The following CRIM1 variants were observed in gnomAD, a reference collection of about 807,000 sequenced individuals.
CRIM1 encodes the protein cysteine-rich motor neuron 1 protein.
Under a neutral mutation model 116.4 loss-of-function variants are expected in CRIM1, and 32 were observed. That is an observed-to-expected ratio of 0.27 (90% CI 0.21 to 0.37). CRIM1 has a LOEUF of 0.37. Among genes scored for constraint, CRIM1 ranks in the 10% least tolerant of loss-of-function variants. The pLI, the probability that CRIM1 is intolerant of heterozygous loss-of-function variation, is 1.00. For synonymous variants in CRIM1, 590 were observed against 509.2 expected (o/e 1.16, Z -2.13); for missense variants, 1,331 against 1,354.8 (o/e 0.98, Z 0.28).
chr2:36,361,419 G>A (rs1024987153), intron 1 of CRIM1, among the ~76,000 whole-genome samples: 3 of 152,110 alleles, frequency 2.0e-5, no homozygotes, highest in Admixed American at 6.5e-5. Flanking sequence ...TGTTTTGTGT[G>A]GTTTGTTGAA....
chr2:36,483,369 AATG>A (rs1398385148), intron 7 of CRIM1, among the ~76,000 whole-genome samples: 1 of 152,210 alleles, frequency 6.6e-6, no homozygotes, highest in Non-Finnish European at 1.5e-5. Context: ...TGTAACCCTT[AATG>A]ACAGTGGCTA....
chr2:36,490,423 C>T (rs1334953424), intron 7 of CRIM1, among the ~76,000 whole-genome samples: 1 of 152,112 alleles, frequency 6.6e-6, no homozygotes, highest in Non-Finnish European at 1.5e-5. Context: ...TTTTCTGACT[C>T]CAAATCCATG....
Position 36,548,734 on chromosome 2 carries a change from G to A in CRIM1, c.*33G>A, listed in dbSNP as rs768437467. The A allele has an allele frequency of 2.5e-5, 38 of 1,526,498 alleles. No homozygotes were observed. In the Admixed American group the frequency reaches 2.6e-4, roughly 11 times the overall value. 94.6% of individuals were successfully genotyped at this position (1,526,498 alleles called of 1,614,324 possible). A position where few individuals can be genotyped will look rare whatever the true frequency, so the allele number is the denominator to read the frequency against. ...CAACTAGGATGAGGTTTCAAAAGAC[G>A]GAAGACGACTAAATCTGCTCTAAAA... On this transcript the variant is annotated 3_prime_UTR_variant, in exon 17 of 17. Transcript: ENST00000280527.
intron 1 of CRIM1, among the ~76,000 whole-genome samples, chr2:36,386,126 T>G (rs1671146468): frequency 6.6e-6 from 1 of 152,214 alleles, no homozygotes; most frequent in Non-Finnish European, 1.5e-5. Flanking sequence ...TCTTGGTGAT[T>G]TGACTAACAG....
chr2:36,458,278 G>A (rs970254505), intron 4 of CRIM1, among the ~76,000 whole-genome samples: 2 of 152,152 alleles, frequency 1.3e-5, no homozygotes, highest in Non-Finnish European at 2.9e-5. Context: ...CACACCAGGA[G>A]GATACCTCTG....
chr2:36,366,887 A>G (rs563460991), intron 1 of CRIM1, among the ~76,000 whole-genome samples: 48 of 152,332 alleles, frequency 3.2e-4, no homozygotes, highest in Middle Eastern at 6.8e-3. Context: ...AGACTTTATG[A>G]AGTAGTTGGA....
chr2:36,370,298 A>G (rs1468753511), intron 1 of CRIM1, among the ~76,000 whole-genome samples: 1 of 151,986 alleles, frequency 6.6e-6, no homozygotes, highest in Admixed American at 6.6e-5. Context: ...GCAGAAATTT[A>G]CAGTGAGAAA....
At chr2:36,538,767 C>T (rs534973513) in intron 14 of CRIM1, among the ~76,000 whole-genome samples, 193 of 152,032 alleles carry the variant, frequency 1.3e-3, no homozygotes, top group Non-Finnish European at 2.1e-3. Context: ...TACACACTTG[C>T]TGTGTATATG....
At chr2:36,470,707 T>G (rs527277565) in intron 5 of CRIM1, among the ~76,000 whole-genome samples, 1 of 152,230 alleles carries the variant, frequency 6.6e-6, no homozygotes, top group Admixed American at 6.5e-5. Context: ...ACAAGATTAG[T>G]GTTGTTTTCG....
At chr2:36,367,976 G>A (rs372867600) in intron 1 of CRIM1, among the ~76,000 whole-genome samples, 5 of 152,160 alleles carry the variant, frequency 3.3e-5, no homozygotes, top group Non-Finnish European at 2.9e-5. Flanking sequence ...AAGCTAGAGC[G>A]AAGACAGGCC....
At chr2:36,440,962 G>A (rs1367341475) in intron 2 of CRIM1, among the ~76,000 whole-genome samples, 2 of 152,178 alleles carry the variant, frequency 1.3e-5, no homozygotes, top group African/African-American at 2.4e-5. Flanking sequence ...CACGCCATGG[G>A]TGCATCTTCC....
intron 5 of CRIM1, among the ~76,000 whole-genome samples, chr2:36,473,774 A>G (rs1000917384): frequency 1.3e-5 from 2 of 152,150 alleles, no homozygotes; most frequent in Non-Finnish European, 2.9e-5. Context: ...ATATCAGTTA[A>G]TGGATATTTA....
At chr2:36,461,830 A>T (rs948301716) in intron 4 of CRIM1, among the ~76,000 whole-genome samples, 1 of 152,210 alleles carries the variant, frequency 6.6e-6, no homozygotes, top group Non-Finnish European at 1.5e-5. Flanking sequence ...ACCATTTCGA[A>T]CTGCAAAACT....
chr2:36,545,119 C>G (rs1266790774), intron 15 of CRIM1, among the ~76,000 whole-genome samples: 2 of 152,190 alleles, frequency 1.3e-5, no homozygotes, highest in African/African-American at 4.8e-5. Flanking sequence ...TAAACTTGCT[C>G]TTAGCCGTGA....
intron 13 of CRIM1, among the ~76,000 whole-genome samples, chr2:36,533,171 G>A (rs543513282): frequency 3.3e-5 from 5 of 152,130 alleles, no homozygotes; most frequent in South Asian, 4.2e-4. Flanking sequence ...ATAGAACCTC[G>A]AATTGCATGG....
In CRIM1 at chr2:36,356,658, G is replaced by A; in HGVS notation, c.331+35G>A. ...CCCGCTGCGGGCCCCCTCCCACCTG[G>A]CCTGCGCCGCCCCCTCGGCGCTGGT... On this transcript the variant is annotated intron_variant, in intron 1 of 16. Coordinates refer to ENST00000280527, the MANE Select transcript of CRIM1 (RefSeq NM_016441.3). The surrounding 1 kb of genome is among the most constrained non-coding windows in gnomAD (Gnocchi z 4.3). 6.4e-7 allele frequency: 1 copy of A among 1,569,228 alleles called. No individual in the cohort carries two copies.
chr2:36,533,543 A>G (rs907110229), intron 13 of CRIM1, among the ~76,000 whole-genome samples: 9 of 152,106 alleles, frequency 5.9e-5, no homozygotes, highest in African/African-American at 1.7e-4. Flanking sequence ...TCAAAGAGCT[A>G]TGATTGCACC....
rs138291997 is a variant in CRIM1 at position 36,527,363 on chromosome 2, GTAT to G, written c.2428+5053_2428+5055del. On this transcript the variant is annotated intron_variant, in intron 13 of 16. Transcript: ENST00000280527. ...GTACACTAAAAATTTCTTACAGGTT[GTAT>G]TAATACCTCTGTTTGATTAGAAGTT... Among the ~76,000 whole-genome samples, 1,391 of 152,064 alleles carry G rather than the reference GTAT, an allele frequency of 9.1e-3. 24 individuals are homozygous for G. The highest frequency in any genetic ancestry group is 0.032 in the African/African-American group (1,333 of 41,468).
At chr2:36,400,503 T>C (rs1004715783) in intron 2 of CRIM1, among the ~76,000 whole-genome samples, 5 of 152,234 alleles carry the variant, frequency 3.3e-5, no homozygotes, top group African/African-American at 1.2e-4. Flanking sequence ...GATAACCTAA[T>C]TGCTTATGCT....
Sources: allele counts gnomAD v4.1 joint callset (sites outside exome capture counted in the v4.1 genomes callset), GRCh38; gene constraint gnomAD v4.1.1; non-coding constraint Gnocchi (gnomAD v3.1); transcripts MANE v1.5; gene names NCBI Gene and HGNC (gene_info 2026-07-23, HGNC 2026-07-21).